The following ERBB4 variants were observed in gnomAD, a reference collection of about 807,000 sequenced individuals.
The protein encoded by ERBB4 is erb-b2 receptor tyrosine kinase 4.
Under a neutral mutation model 158.0 loss-of-function variants are expected in ERBB4, and 42 were observed. The ratio of observed to expected loss-of-function variants is 0.27; its 90% CI spans 0.21 to 0.34. ERBB4 has a LOEUF of 0.34. ERBB4 is among the 10% of genes least tolerant of loss of function. The pLI is 1.00. For synonymous variants in ERBB4, 583 were observed against 558.7 expected, an observed-to-expected ratio of 1.04 and a Z score of -0.61; for missense variants, 1,333 against 1,624.1, an observed-to-expected ratio of 0.82 and a Z score of 3.08.
At chr2:212,060,978 TAAA>T (rs2077745166) in intron 2 of ERBB4, among the ~76,000 whole-genome samples, 1 of 150,158 alleles carries the variant, frequency 6.7e-6, no homozygotes, top group Non-Finnish European at 1.5e-5. Flanking sequence ...AATAAATAAA[TAAA>T]TAAATAAATA....
intron 2 of ERBB4, among the ~76,000 whole-genome samples, chr2:211,953,465 C>CAA (rs36024345): frequency 0.057 from 4,842 of 85,080 alleles, 126 homozygotes; most frequent in African/African-American, 0.12. Flanking sequence ...GGTTTTTCTC[C>CAA]AAAAAAAAAA....
chr2:212,303,463 T>C (rs556280718), intron 1 of ERBB4, among the ~76,000 whole-genome samples: 1 of 149,086 alleles, frequency 6.7e-6, no homozygotes, highest in South Asian at 2.2e-4. Flanking sequence ...TATTTGATCC[T>C]TGTAAATCCT....
At chr2:211,816,940 A>C (rs1415624274) in intron 3 of ERBB4, among the ~76,000 whole-genome samples, 1 of 152,156 alleles carries the variant, frequency 6.6e-6, no homozygotes, top group Non-Finnish European at 1.5e-5. Context: ...GCTTGACCAT[A>C]AACAGCCTTT....
At chr2:212,240,732 GTTT>G (rs953187679) in intron 1 of ERBB4, among the ~76,000 whole-genome samples, 3 of 149,214 alleles carry the variant, frequency 2.0e-5, no homozygotes, top group Non-Finnish European at 1.5e-5. Flanking sequence ...GTTCCCCCCA[GTTT>G]ATTGCCATTA....
intron 3 of ERBB4, among the ~76,000 whole-genome samples, chr2:211,913,817 T>A (rs145544650): frequency 1.3e-5 from 2 of 151,120 alleles, no homozygotes; most frequent in Admixed American, 6.6e-5. Context: ...AATTAGAAAA[T>A]AAACAAAATT....
At position 211,927,697 on chromosome 2, in the gene ERBB4, A is replaced by C. The variant is rs537031348; in HGVS notation, c.421+19733T>G. Among the ~76,000 whole-genome samples the C allele has an allele frequency of 3.3e-3, 505 of 152,024 alleles. 3 individuals are homozygous for C. The highest frequency in any genetic ancestry group is 5.1e-3 in the Non-Finnish European group (348 of 67,960). Reference sequence around the variant, plus strand: ...AACCAGTCAAACAATCAGGTTCTACACTTAACTCGCAAAAGTTTTTTTTTT... The same window carrying C: ...AACCAGTCAAACAATCAGGTTCTACCCTTAACTCGCAAAAGTTTTTTTTTT... On this transcript the variant is annotated intron_variant, in intron 3 of 27. Coordinates refer to ENST00000342788, the MANE Select transcript of ERBB4 (RefSeq NM_005235.3).
intron 3 of ERBB4, among the ~76,000 whole-genome samples, chr2:211,889,776 C>T (rs1057310411): frequency 3.4e-4 from 51 of 151,198 alleles, no homozygotes; most frequent in African/African-American, 7.6e-4. Context: ...CCTCAGGAGC[C>T]GATGCGATCA....
chr2:211,849,820 T>C (rs1390640284), intron 3 of ERBB4, among the ~76,000 whole-genome samples: 1 of 146,374 alleles, frequency 6.8e-6, no homozygotes, highest in Non-Finnish European at 1.5e-5. Context: ...TATATCTTAC[T>C]GCCCAGCAAA....
chr2:212,087,984 C>T (rs1176688000), intron 2 of ERBB4, among the ~76,000 whole-genome samples: 1 of 152,042 alleles, frequency 6.6e-6, no homozygotes, highest in Non-Finnish European at 1.5e-5. Flanking sequence ...AGACACAGTG[C>T]CTGGCACTAA....
intron 3 of ERBB4, among the ~76,000 whole-genome samples, chr2:211,811,428 T>C (rs2076754294): frequency 6.6e-6 from 1 of 152,138 alleles, no homozygotes; most frequent in South Asian, 2.1e-4. Flanking sequence ...CTGACCTTTC[T>C]CTCTGGCTGC....
At chr2:212,319,484 C>A (rs1243941617) in intron 1 of ERBB4, among the ~76,000 whole-genome samples, 2 of 150,454 alleles carry the variant, frequency 1.3e-5, no homozygotes, top group African/African-American at 2.4e-5. Flanking sequence ...ACATTCAAGT[C>A]AGTTTAATAT....
At chr2:212,529,578 A>C (rs1692637201) in intron 1 of ERBB4, among the ~76,000 whole-genome samples, 1 of 152,226 alleles carries the variant, frequency 6.6e-6, no homozygotes, top group Non-Finnish European at 1.5e-5. Context: ...TTAATTACAA[A>C]TAATAACCAT....
intron 25 of ERBB4, among the ~76,000 whole-genome samples, chr2:211,405,384 A>T (rs1176925382): frequency 6.6e-6 from 1 of 152,096 alleles, no homozygotes; most frequent in Non-Finnish European, 1.5e-5. Flanking sequence ...CTCATTCTTA[A>T]ATTTTATCAT....
chr2:212,518,427 A>T (rs1254140294), intron 1 of ERBB4, among the ~76,000 whole-genome samples: 1 of 152,052 alleles, frequency 6.6e-6, no homozygotes, highest in Non-Finnish European at 1.5e-5. Context: ...ACCCATTTAA[A>T]AACCTTGGGA....
intron 1 of ERBB4, among the ~76,000 whole-genome samples, chr2:212,135,510 C>T (rs563479434): frequency 2.4e-4 from 37 of 152,086 alleles, no homozygotes; most frequent in African/African-American, 8.2e-4. Context: ...TTTATTGTTT[C>T]CCTGTCTTCA....
intron 16 of ERBB4, among the ~76,000 whole-genome samples, chr2:211,636,129 T>C (rs1315567655): frequency 6.6e-6 from 1 of 151,926 alleles, no homozygotes; most frequent in African/African-American, 2.4e-5. Context: ...AAAAAAAGTA[T>C]ATAAGAAGGA....
intron 3 of ERBB4, among the ~76,000 whole-genome samples, chr2:211,850,317 A>T (rs2077687284): frequency 6.6e-6 from 1 of 151,912 alleles, no homozygotes; most frequent in African/African-American, 2.4e-5. Context: ...AAGAAGCAGT[A>T]TATATGCCTT....
intron 2 of ERBB4, among the ~76,000 whole-genome samples, chr2:212,023,748 G>T (rs2076710823): frequency 6.6e-6 from 1 of 151,634 alleles, no homozygotes; most frequent in Admixed American, 6.6e-5. Context: ...TTATTGCTCT[G>T]ATGAGTAGAT....
chr2:211,978,392 G>A (rs62185770), intron 2 of ERBB4, among the ~76,000 whole-genome samples: 210 of 102,288 alleles, frequency 2.1e-3, no homozygotes, highest in East Asian at 2.8e-3. Context: ...CTGTCTGTCT[G>A]TCTGTCTATC....
Sources: allele counts gnomAD v4.1 joint callset (sites outside exome capture counted in the v4.1 genomes callset), GRCh38; gene constraint gnomAD v4.1.1; transcripts MANE v1.5; gene names NCBI Gene and HGNC (gene_info 2026-07-23, HGNC 2026-07-21).